Variants in USP50 observed in about 807,000 individuals in gnomAD.
USP50 encodes ubiquitin specific peptidase 50.
USP50 carries 37 observed loss-of-function variants against 39.2 expected under a neutral mutation model. The ratio of observed to expected loss-of-function variants is 0.94; its 90% CI spans 0.73 to 1.24. The LOEUF is 1.24. Ranked by LOEUF, USP50 falls within the 50% of genes most tolerant of loss-of-function variation. The probability of loss-of-function intolerance (pLI) is 0.00; values close to 1 mark genes in which losing one functional copy is unlikely to be tolerated. For synonymous variants in USP50, 139 were observed against 144.5 expected, an observed-to-expected ratio of 0.96 and a Z score of 0.27; for missense variants, 374 against 398.2, an observed-to-expected ratio of 0.94 and a Z score of 0.52.
chr15:50,518,712 A>C (rs1046945798), intron 6 of USP50, among the ~76,000 whole-genome samples: 1 of 152,200 alleles, frequency 6.6e-6, no homozygotes, highest in Non-Finnish European at 1.5e-5. Flanking sequence ...AACTACTAGA[A>C]GATAACACAA....
chr15:50,543,335 A>G (rs569368880), intron 3 of USP50, among the ~76,000 whole-genome samples: 4 of 152,352 alleles, frequency 2.6e-5, no homozygotes, highest in African/African-American at 4.8e-5. Context: ...AAGCTTTCCC[A>G]AAAGACATTC....
intron 6 of USP50, chr15:50,510,152 T>C (rs2052718479): frequency 6.6e-6 from 1 of 151,574 alleles, no homozygotes. Flanking sequence ...AAAACCAGCA[T>C]TATATGTTAC....
At chr15:50,545,108 A>G (rs896162595) in intron 1 of USP50, among the ~76,000 whole-genome samples, 12 of 152,156 alleles carry the variant, frequency 7.9e-5, no homozygotes, top group African/African-American at 2.9e-4. Context: ...ACAAAATTAC[A>G]TAACTTAGAC....
At chr15:50,495,707 C>T, downstream of USP50, 4 of 607,490 alleles carry the variant, frequency 6.6e-6, no homozygotes, top group East Asian at 3.0e-5. Flanking sequence ...TATTTTTTGC[C>T]ACACTCAGTG....
chr15:50,539,548 C>T (rs1369766893), intron 4 of USP50, among the ~76,000 whole-genome samples: 2 of 151,876 alleles, frequency 1.3e-5, no homozygotes, highest in East Asian at 1.9e-4. Flanking sequence ...TCCAAGTAGC[C>T]GAGACTACAG....
Position 50,543,654 on chromosome 15 carries a change from C to T in USP50, c.388G>A (p.Asp130Asn), listed in dbSNP as rs1231299114. Residue 130 changes from aspartate to asparagine, a missense_variant, in exon 3 of 7, where the codon GAT (aspartate) becomes AAT (asparagine). Physicochemically the swap from Asp to Asn is conservative, Grantham distance 23. Transcript: ENST00000532404. Reference protein sequence around the residue: ...YPAFTKKMQQDAQEFLICVLN... With the variant: ...YPAFTKKMQQNAQEFLICVLN... Reference sequence around the variant, plus strand: ...ACACAAATCAAGAATTCCTGAGCATCTTGTTGCATCTTTTTCGTAAATGCT... The same window carrying T: ...ACACAAATCAAGAATTCCTGAGCATTTTGTTGCATCTTTTTCGTAAATGCT... 2 of 1,613,652 alleles carry T rather than the reference C, an allele frequency of 1.2e-6. No individual in the cohort carries two copies. The highest frequency in any genetic ancestry group is 1.7e-6 in the Non-Finnish European group (2 of 1,179,810).
At chr15:50,542,061 A>AT (rs2053033892) in intron 3 of USP50, among the ~76,000 whole-genome samples, 1 of 151,034 alleles carries the variant, frequency 6.6e-6, no homozygotes, top group African/African-American at 2.4e-5. Flanking sequence ...AAAAAAAAAA[A>AT]GATAAGAGAG....
intron 6 of USP50, chr15:50,501,936 C>T (rs1181482412): frequency 1.3e-5 from 2 of 152,154 alleles, no homozygotes; most frequent in Non-Finnish European, 2.9e-5. Context: ...GGAACACAGT[C>T]ATGCTCATTT....
intron 6 of USP50, among the ~76,000 whole-genome samples, chr15:50,529,280 T>C (rs1346681220): frequency 7.0e-6 from 1 of 143,846 alleles, no homozygotes; most frequent in Non-Finnish European, 1.5e-5. Flanking sequence ...GGGGCCAGGG[T>C]GGGAGGGTCC....
chr15:50,521,374 T>C (rs1295305738), intron 6 of USP50, among the ~76,000 whole-genome samples: 1 of 152,182 alleles, frequency 6.6e-6, no homozygotes, highest in African/African-American at 2.4e-5. Flanking sequence ...ACATATTGTA[T>C]ACATGTATCA....
intron 6 of USP50, chr15:50,505,777 A>C (rs948717614): frequency 1.3e-5 from 2 of 152,264 alleles, no homozygotes; most frequent in African/African-American, 4.8e-5. Context: ...TGGGCAACAT[A>C]GTGAGACCTG....
At chr15:50,520,123 T>C (rs1165849758) in intron 6 of USP50, among the ~76,000 whole-genome samples, 2 of 151,972 alleles carry the variant, frequency 1.3e-5, no homozygotes, top group Non-Finnish European at 2.9e-5. Context: ...TAGGGCAACA[T>C]AGTGAGATTC....
At chr15:50,498,440 C>A (rs144504472), downstream of USP50, 130 of 957,882 alleles carry the variant, frequency 1.4e-4, 2 homozygotes, top group African/African-American at 1.9e-3. Context: ...GGAAATGAAG[C>A]CAAATGTCTT....
rs776670490 is a variant in USP50 at position 50,538,821 on chromosome 15, C to T, written c.691G>A (p.Ala231Thr). 2.1e-5 allele frequency: 34 copies of T among 1,610,238 alleles called. No individual in the cohort carries two copies. Among genetic ancestry groups the T allele is most frequent in the East Asian group, 8.9e-5 (4 of 44,816 alleles). Reference protein sequence around the residue: ...DCLQCFFQQDALTWNNEIHCS... With the variant: ...DCLQCFFQQDTLTWNNEIHCS... ...TGAATTTCGTTGTTCCAGGTCAGTG[C>T]GTCTTGTTGAAAAAAACATTGGAGA... The change falls in exon 5 of 7, where the codon GCA becomes ACA. Residue 231 changes from alanine (A) to threonine (T), a missense_variant. Ala to Thr is a moderately conservative substitution (Grantham distance 58). Coordinates refer to ENST00000532404, the MANE Select transcript of USP50 (RefSeq NM_203494.5).
At chr15:50,526,008 G>A (rs1168801681) in intron 6 of USP50, among the ~76,000 whole-genome samples, 3 of 152,040 alleles carry the variant, frequency 2.0e-5, no homozygotes, top group Admixed American at 6.6e-5. Context: ...ATCAGGAAAC[G>A]GAAGGGAGCG....
At chr15:50,540,592 T>C (rs895684333) in intron 4 of USP50, among the ~76,000 whole-genome samples, 36 of 152,064 alleles carry the variant, frequency 2.4e-4, no homozygotes, top group Admixed American at 2.2e-3. Flanking sequence ...TAAAAAAAAA[T>C]ACTGTCATCA....
chr15:50,524,323 A>G (rs1357164914), intron 6 of USP50, among the ~76,000 whole-genome samples: 1 of 152,274 alleles, frequency 6.6e-6, no homozygotes, highest in East Asian at 1.9e-4. Flanking sequence ...ACAATTAACA[A>G]AGGGAAGAGA....
At position 50,500,789 on chromosome 15, in the gene USP50, T is replaced by G. The variant is rs1324990557; in HGVS notation, c.985A>C (p.Asn329His). The G allele has an allele frequency of 3.8e-6, 6 of 1,590,628 alleles. No individual in the cohort carries two copies. The highest frequency in any genetic ancestry group is 5.1e-6 in the Non-Finnish European group (6 of 1,168,042). The change falls in exon 7 of 7, where the codon AAT (asparagine) becomes CAT (histidine). Residue 329 changes from asparagine (N) to histidine (H), a missense_variant. Transcript: ENST00000532404. The stretch of plus-strand genomic sequence containing the variant: ...CTATATCAGGCCTGGGTGACTGAAT[T>G]CTTGCAGAAAGCAGTGTAGTGGCCA... ...DGGHYTAFCKNSVTQA is the reference protein window; with the variant it reads ...DGGHYTAFCKHSVTQA
At chr15:50,511,704 T>A (rs969973964) in intron 6 of USP50, 1 of 152,234 alleles carries the variant, frequency 6.6e-6, no homozygotes, top group African/African-American at 2.4e-5. Context: ...TTTATTAAAA[T>A]ACCCAGAATA....
Sources: gnomAD v4.1 joint callset for allele counts (sites outside exome capture counted in the v4.1 genomes callset) on GRCh38, gnomAD v4.1.1 for gene constraint, MANE v1.5 for transcripts, NCBI Gene and HGNC (gene_info 2026-07-23, HGNC 2026-07-21) for gene names.